Variants in GRIK4 observed in about 807,000 individuals in gnomAD.
GRIK4 encodes the protein glutamate ionotropic receptor kainate type subunit 4, also known as glutamate receptor ionotropic, kainate 4.
A neutral mutation model predicts 104.9 loss-of-function variants in GRIK4; 40 were observed. The ratio of observed to expected loss-of-function variants is 0.38; its 90% CI spans 0.30 to 0.50. The LOEUF (loss-of-function observed/expected upper bound fraction) is 0.50, where lower values mean the gene tolerates loss of function less well. GRIK4 is among the 20% of genes least tolerant of loss of function. The pLI, the probability that GRIK4 is intolerant of heterozygous loss-of-function variation, is 0.93. For synonymous variants in GRIK4, 485 were observed against 524.9 expected (o/e 0.92, Z 1.04); for missense variants, 1,047 against 1,308.1 (o/e 0.80, Z 3.08).
In GRIK4 at chr11:120,535,680, G is replaced by A. The variant is rs115814917; in HGVS notation, c.-159+23793G>A. 3.4e-3 allele frequency among the ~76,000 whole-genome samples: 511 copies of A among 152,340 alleles called. 4 individuals are homozygous for A. Among genetic ancestry groups the A allele is most frequent in the African/African-American group, 0.011 (447 of 41,576 alleles). On this transcript the variant is annotated intron_variant, in intron 1 of 20. Transcript: ENST00000527524. ...TAGCGAGGATTAAATGAGTTAAAAT[G>A]CATGAAACACTTACTACCTGAGCAC...
rs1331748911 is a variant in GRIK4, at chr11:120,549,337, A to G, written c.-159+37450A>G. ...TGGCCAGGCTGGTCTCAAACTCTTG[A>G]CCTCATGATGCACCCACCTTGGACT... is the stretch of plus-strand genomic sequence containing the variant. On this transcript the variant is annotated intron_variant, in intron 1 of 20. Transcript: ENST00000527524. The surrounding 1 kb of genome is among the most constrained non-coding windows in gnomAD (Gnocchi z 4.7). 6.6e-6 allele frequency among the ~76,000 whole-genome samples: 1 copy of G among 151,834 alleles called. No individual in the cohort carries two copies. Among genetic ancestry groups the G allele is most frequent in the Non-Finnish European group, 1.5e-5 (1 of 67,960 alleles).
intron 4 of GRIK4, 75 bp from the exon 5 acceptor site, chr11:120,815,303 A>C (rs1952921815): frequency 1.2e-6 from 1 of 804,136 alleles, no homozygotes; most frequent in Non-Finnish European, 2.1e-6. Context: ...GGTGAAGAGG[A>C]GAGGACTGGG....
At chr11:120,571,362 A>C (rs554804461) in intron 1 of GRIK4, among the ~76,000 whole-genome samples, 11 of 152,110 alleles carry the variant, frequency 7.2e-5, no homozygotes, top group Non-Finnish European at 1.0e-4. Context: ...GTTGCCTTCC[A>C]CACCTGTGCA....
At chr11:120,653,318 T>A (rs1421422166) in intron 1 of GRIK4, among the ~76,000 whole-genome samples, 1 of 152,188 alleles carries the variant, frequency 6.6e-6, no homozygotes, top group East Asian at 1.9e-4. Flanking sequence ...TGTAAAAAAG[T>A]GGAAATGAGT....
intron 19 of GRIK4, among the ~76,000 whole-genome samples, chr11:120,971,669 G>A (rs901216770): frequency 2.6e-5 from 4 of 152,200 alleles, no homozygotes; most frequent in African/African-American, 7.2e-5. Flanking sequence ...TTGCAGTATG[G>A]GAGAGTTTTA....
At chr11:120,938,518 G>C (rs2134635541) in intron 13 of GRIK4, among the ~76,000 whole-genome samples, 1 of 152,304 alleles carries the variant, frequency 6.6e-6, no homozygotes, top group African/African-American at 2.4e-5. Context: ...TTGGGGTTGA[G>C]GTGGAGAAGA....
intron 1 of GRIK4, among the ~76,000 whole-genome samples, chr11:120,561,556 C>T (rs530907184): frequency 1.5e-4 from 23 of 152,344 alleles, no homozygotes; most frequent in East Asian, 9.6e-4. Context: ...GGCATACCCC[C>T]GCTCCAGCAA....
At chr11:120,861,832 A>G in intron 8 of GRIK4, 127 bp from the exon 9 acceptor site, 1 of 725,894 alleles carries the variant, frequency 1.4e-6, no homozygotes, top group African/African-American at 1.7e-5. Flanking sequence ...CTGGACCCCT[A>G]GGTCCCAACA....
chr11:120,689,190 A>G (rs1950318536), intron 3 of GRIK4, among the ~76,000 whole-genome samples: 3 of 152,108 alleles, frequency 2.0e-5, no homozygotes, highest in Admixed American at 6.5e-5. Flanking sequence ...TTGAGATAAC[A>G]CGGACATAAT....
intron 1 of GRIK4, among the ~76,000 whole-genome samples, chr11:120,629,905 C>A (rs11217930): frequency 0.025 from 3,795 of 152,274 alleles, 132 homozygotes; most frequent in African/African-American, 0.078. Flanking sequence ...GGGGCCTGTC[C>A]CAGCTGTCCT....
chr11:120,558,372 T>C (rs1325267809), intron 1 of GRIK4, among the ~76,000 whole-genome samples: 1 of 152,134 alleles, frequency 6.6e-6, no homozygotes, highest in South Asian at 2.1e-4. Flanking sequence ...CGGATCATGA[T>C]GTCAGGAGAT....
intron 13 of GRIK4, among the ~76,000 whole-genome samples, chr11:120,927,586 A>AGAAAG (rs796907341): frequency 6.3e-5 from 6 of 95,588 alleles, no homozygotes; most frequent in East Asian, 3.8e-4. Context: ...AAAAAAAAAA[A>AGAAAG]AAAGAAAGAA....
At chr11:120,807,558 G>T (rs1480636596) in intron 4 of GRIK4, among the ~76,000 whole-genome samples, 1 of 152,174 alleles carries the variant, frequency 6.6e-6, no homozygotes, top group Non-Finnish European at 1.5e-5. Flanking sequence ...CTTCTCACAG[G>T]CTCCACGAGC....
chr11:120,877,715 G>A (rs1954856845), intron 11 of GRIK4, among the ~76,000 whole-genome samples: 1 of 152,190 alleles, frequency 6.6e-6, no homozygotes, highest in Non-Finnish European at 1.5e-5. Flanking sequence ...GTCAGGAGTG[G>A]TAAGTGGAAA....
At chr11:120,765,598 A>G (rs1951822897) in intron 3 of GRIK4, among the ~76,000 whole-genome samples, 1 of 152,034 alleles carries the variant, frequency 6.6e-6, no homozygotes, top group South Asian at 2.1e-4. Flanking sequence ...TCGTGGATTT[A>G]TCTACCTTTG....
chr11:120,680,108 CA>C (rs1275917073), intron 3 of GRIK4, among the ~76,000 whole-genome samples: 1 of 152,124 alleles, frequency 6.6e-6, no homozygotes, highest in African/African-American at 2.4e-5. Context: ...GATAGAGTCT[CA>C]CTCTGTCACC....
chr11:120,588,995 C>T (rs77221543), intron 1 of GRIK4, among the ~76,000 whole-genome samples: 1,925 of 152,198 alleles, frequency 0.013, 46 homozygotes, highest in Non-Finnish European at 0.015. Context: ...CTAGAAATAA[C>T]GAGGAGGCTT....
intron 13 of GRIK4, among the ~76,000 whole-genome samples, chr11:120,924,280 G>A (rs1209449435): frequency 2.6e-5 from 4 of 151,904 alleles, no homozygotes; most frequent in African/African-American, 4.9e-5. Context: ...GCTCCCTTGC[G>A]TGTGTGAGGT....
At chr11:120,786,862 G>A (rs1952289397) in intron 3 of GRIK4, among the ~76,000 whole-genome samples, 1 of 152,166 alleles carries the variant, frequency 6.6e-6, no homozygotes, top group East Asian at 1.9e-4. Context: ...GGTTAGACCT[G>A]CATTACGCAG....
Sources: allele counts gnomAD v4.1 joint callset (sites outside exome capture counted in the v4.1 genomes callset), GRCh38; gene constraint gnomAD v4.1.1; non-coding constraint Gnocchi (gnomAD v3.1); transcripts MANE v1.5; gene names NCBI Gene and HGNC (gene_info 2026-07-23, HGNC 2026-07-21).